Variants in CALN1 observed in about 807,000 individuals in gnomAD.
CALN1 encodes calneuron 1.
Under a neutral mutation model 30.6 loss-of-function variants are expected in CALN1, and 17 were observed. The observed-to-expected ratio is 0.56, with a 90% CI of 0.38 to 0.83. The LOEUF is 0.83. Ranked by LOEUF, CALN1 falls within the 40% of genes least tolerant of loss-of-function variation. The pLI is 0.00. For synonymous variants in CALN1, 156 were observed against 131.4 expected, an observed-to-expected ratio of 1.19 and a Z score of -1.28; for missense variants, 291 against 354.9, an observed-to-expected ratio of 0.82 and a Z score of 1.45.
chr7:72,261,462 AG>A (rs1406628382), intron 3 of CALN1, among the ~76,000 whole-genome samples: 7 of 151,908 alleles, frequency 4.6e-5, no homozygotes, highest in African/African-American at 9.7e-5. Flanking sequence ...TCTGTTGCCA[AG>A]GCTGGAGTGC....
chr7:72,300,044 C>T (rs1001338200), intron 2 of CALN1, among the ~76,000 whole-genome samples: 1 of 152,008 alleles, frequency 6.6e-6, no homozygotes, highest in African/African-American at 2.4e-5. Context: ...CCATGCCCAG[C>T]TAATTTTTTG....
intron 3 of CALN1, among the ~76,000 whole-genome samples, chr7:72,130,556 G>A (rs575150118): frequency 3.3e-5 from 5 of 152,142 alleles, no homozygotes; most frequent in South Asian, 2.1e-4. Context: ...GGACAAAACC[G>A]CAATTGCTTT....
At chr7:72,007,041 G>A (rs2084291956) in intron 5 of CALN1, among the ~76,000 whole-genome samples, 1 of 152,174 alleles carries the variant, frequency 6.6e-6, no homozygotes. Flanking sequence ...CTGATGAGAT[G>A]AGAGACAGTT....
intron 2 of CALN1, among the ~76,000 whole-genome samples, chr7:72,395,815 G>C (rs1020187282): frequency 6.6e-6 from 1 of 152,156 alleles, no homozygotes; most frequent in Admixed American, 6.5e-5. Context: ...GCTGATAGCA[G>C]GGTGGCAAAA....
At chr7:72,394,821 G>A (rs557782236) in intron 2 of CALN1, among the ~76,000 whole-genome samples, 7 of 151,868 alleles carry the variant, frequency 4.6e-5, no homozygotes, top group East Asian at 1.9e-4. Context: ...CAACATGCCC[G>A]TTTTATTTTA....
At chr7:72,374,007 T>C (rs1804398698) in intron 2 of CALN1, among the ~76,000 whole-genome samples, 2 of 152,134 alleles carry the variant, frequency 1.3e-5, no homozygotes, top group African/African-American at 2.4e-5. Context: ...AAGAACTCTA[T>C]ATCCAGTGGA....
intron 2 of CALN1, among the ~76,000 whole-genome samples, chr7:72,291,329 G>A (rs1038088785): frequency 7.9e-5 from 12 of 152,136 alleles, no homozygotes; most frequent in African/African-American, 2.9e-4. Context: ...GACTTTCCCA[G>A]TGACAAACTG....
intron 5 of CALN1, among the ~76,000 whole-genome samples, chr7:71,818,033 G>A (rs1477852263): frequency 1.3e-5 from 2 of 152,050 alleles, no homozygotes; most frequent in African/African-American, 2.4e-5. Context: ...TCCAACAAAT[G>A]GTTATTGGGA....
At chr7:71,795,646 T>C (rs1306089795) in intron 6 of CALN1, among the ~76,000 whole-genome samples, 3 of 152,148 alleles carry the variant, frequency 2.0e-5, no homozygotes, top group African/African-American at 7.2e-5. Flanking sequence ...CCGCTCGCTC[T>C]GCAGCCCCAG....
intron 5 of CALN1, among the ~76,000 whole-genome samples, chr7:71,847,162 T>C (rs1416911664): frequency 6.6e-6 from 1 of 151,618 alleles, no homozygotes; most frequent in Non-Finnish European, 1.5e-5. Flanking sequence ...GAATTCCCTT[T>C]AAAGGGAGAG....
intron 5 of CALN1, among the ~76,000 whole-genome samples, chr7:71,862,287 G>A (rs1291951648): frequency 1.3e-5 from 2 of 152,236 alleles, no homozygotes; most frequent in African/African-American, 4.8e-5. Flanking sequence ...CGATTTGGCT[G>A]TGTCCCTACC....
chr7:71,909,745 T>C (rs1011878319), intron 5 of CALN1, among the ~76,000 whole-genome samples: 26 of 152,160 alleles, frequency 1.7e-4, no homozygotes, highest in Admixed American at 7.9e-4. Context: ...GAATACTCTA[T>C]AGAACACTGT....
At chr7:72,232,705 C>G (rs892014914) in intron 3 of CALN1, among the ~76,000 whole-genome samples, 4 of 152,226 alleles carry the variant, frequency 2.6e-5, no homozygotes, top group African/African-American at 9.7e-5. Context: ...GGTGATCTGC[C>G]CATCTTGGCC....
chr7:72,311,655 T>G (rs1800061241), intron 2 of CALN1, among the ~76,000 whole-genome samples: 1 of 121,454 alleles, frequency 8.2e-6, no homozygotes, highest in African/African-American at 3.7e-5. Flanking sequence ...GCTGAGATTT[T>G]TTTTTTTTTT....
intron 5 of CALN1, among the ~76,000 whole-genome samples, chr7:71,814,942 T>C (rs1484333500): frequency 6.6e-6 from 1 of 151,774 alleles, no homozygotes; most frequent in Non-Finnish European, 1.5e-5. Flanking sequence ...CACGCCATTC[T>C]CCTGCCTCAG....
intron 2 of CALN1, among the ~76,000 whole-genome samples, chr7:72,324,976 G>T (rs373550658): frequency 6.6e-6 from 1 of 152,130 alleles, no homozygotes; most frequent in Non-Finnish European, 1.5e-5. Context: ...TTATCTCTTT[G>T]GGTGTCGAGA....
At chr7:72,334,735 CTCCAATAAAATA>C (rs1185366662) in intron 2 of CALN1, among the ~76,000 whole-genome samples, 1 of 152,234 alleles carries the variant, frequency 6.6e-6, no homozygotes, top group Non-Finnish European at 1.5e-5. Flanking sequence ...TTTAGCTCTC[CTCCAATAAAATA>C]TCGTGAGGAT....
At chr7:72,413,784 C>T (rs887882481), upstream of CALN1, among the ~76,000 whole-genome samples, 8 of 151,902 alleles carry the variant, frequency 5.3e-5, no homozygotes, top group African/African-American at 1.5e-4. Context: ...TACACAGACA[C>T]GCACCACTCG....
At chr7:72,241,889 T>C (rs186773665) in intron 3 of CALN1, among the ~76,000 whole-genome samples, 1 of 152,178 alleles carries the variant, frequency 6.6e-6, no homozygotes, top group Non-Finnish European at 1.5e-5. Flanking sequence ...TCTCTCTTTT[T>C]AGTCATTTAA....
Sources: allele counts gnomAD v4.1 joint callset (sites outside exome capture counted in the v4.1 genomes callset), GRCh38; gene constraint gnomAD v4.1.1; transcripts MANE v1.5; gene names NCBI Gene and HGNC (gene_info 2026-07-23, HGNC 2026-07-21).